Variants in B3GALT1 observed in about 807,000 individuals in gnomAD.
B3GALT1 encodes the protein UDP-Gal:betaGlcNAc beta 1,3-galactosyltransferase, polypeptide 1.
B3GALT1 carries 10 observed loss-of-function variants against 23.2 expected under a neutral mutation model. That is an observed-to-expected ratio of 0.43 (90% CI 0.27 to 0.73). The LOEUF (loss-of-function observed/expected upper bound fraction) is 0.73. Among genes scored for constraint, B3GALT1 ranks in the 30% least tolerant of loss-of-function variants. The pLI is 0.21. For synonymous variants in B3GALT1, 156 were observed against 141.5 expected, an observed-to-expected ratio of 1.10 and a Z score of -0.73; for missense variants, 299 against 405.4, an observed-to-expected ratio of 0.74 and a Z score of 2.25.
chr2:167,673,011 G>T (rs1167445700), intron 3 of B3GALT1, among the ~76,000 whole-genome samples: 5 of 148,270 alleles, frequency 3.4e-5, no homozygotes, highest in African/African-American at 1.3e-4. Flanking sequence ...GTATCTGGGG[G>T]TATCTAATAA....
At chr2:167,839,244 GT>G (rs1418099324) in intron 4 of B3GALT1, among the ~76,000 whole-genome samples, 1 of 152,038 alleles carries the variant, frequency 6.6e-6, no homozygotes, top group Non-Finnish European at 1.5e-5. Flanking sequence ...AATTGTCCCT[GT>G]TTGCAGATGA....
At chr2:167,674,058 G>A (rs1159145495) in intron 3 of B3GALT1, among the ~76,000 whole-genome samples, 2 of 152,040 alleles carry the variant, frequency 1.3e-5, no homozygotes, top group African/African-American at 4.8e-5. Context: ...CACAACCATA[G>A]TAAATTGCAA....
intron 2 of B3GALT1, among the ~76,000 whole-genome samples, chr2:167,493,675 T>A (rs1332878381): frequency 1.3e-5 from 2 of 152,104 alleles, no homozygotes; most frequent in African/African-American, 2.4e-5. Flanking sequence ...GCAGGAGGGT[T>A]GGGTGGGGGA....
chr2:167,523,201 G>T (rs1365793324), intron 2 of B3GALT1, among the ~76,000 whole-genome samples: 1 of 152,140 alleles, frequency 6.6e-6, no homozygotes, highest in Non-Finnish European at 1.5e-5. Flanking sequence ...TTGTGTGTCA[G>T]ATTTTTGGAA....
intron 2 of B3GALT1, among the ~76,000 whole-genome samples, chr2:167,587,192 C>T (rs567922891): frequency 1.1e-4 from 16 of 152,190 alleles, no homozygotes; most frequent in Admixed American, 9.8e-4. Context: ...TATTTTTATG[C>T]GTGTTATTTT....
At chr2:167,810,255 C>T (rs375038889) in intron 3 of B3GALT1, among the ~76,000 whole-genome samples, 16 of 151,052 alleles carry the variant, frequency 1.1e-4, no homozygotes, top group East Asian at 5.8e-4. Flanking sequence ...CGCCCTGCTT[C>T]GGCTCACACT....
chr2:167,547,108 C>T (rs538256000), intron 2 of B3GALT1, among the ~76,000 whole-genome samples: 14 of 152,304 alleles, frequency 9.2e-5, no homozygotes, highest in South Asian at 8.3e-4. Flanking sequence ...AGCACGTCCT[C>T]GGTCTTCTCA....
chr2:167,491,745 G>T lies in B3GALT1; in HGVS notation c.-410+1468G>T, dbSNP rs147671779. ...CAGGAGAATGGCATGTACCCAGGAGGCGGAGCTTGCAGTGAGCCAAGATCA... is the reference window on the plus strand; with the variant it reads ...CAGGAGAATGGCATGTACCCAGGAGTCGGAGCTTGCAGTGAGCCAAGATCA... On this transcript the variant is annotated intron_variant, in intron 2 of 4. Coordinates refer to ENST00000392690, the MANE Select transcript of B3GALT1 (RefSeq NM_020981.4). Among the ~76,000 whole-genome samples the T allele has an allele frequency of 9.5e-3, 1,444 of 151,784 alleles. 7 individuals carry two copies. Among genetic ancestry groups the T allele is most frequent in the Non-Finnish European group, 0.016 (1,096 of 67,924 alleles).
At chr2:167,858,730 A>C (rs1690045057) in intron 4 of B3GALT1, among the ~76,000 whole-genome samples, 1 of 152,182 alleles carries the variant, frequency 6.6e-6, no homozygotes, top group African/African-American at 2.4e-5. Flanking sequence ...GACAGCAGCT[A>C]CATAAAATTA....
intron 3 of B3GALT1, among the ~76,000 whole-genome samples, chr2:167,799,906 A>G (rs1349187598): frequency 6.6e-6 from 1 of 151,698 alleles, no homozygotes; most frequent in African/African-American, 2.4e-5. Context: ...TAGTTTTAAC[A>G]AAATTTCTGT....
At chr2:167,537,046 A>G (rs1240998643) in intron 2 of B3GALT1, among the ~76,000 whole-genome samples, 11 of 152,140 alleles carry the variant, frequency 7.2e-5, no homozygotes, top group Non-Finnish European at 1.5e-4. Flanking sequence ...GTCTGTTCTC[A>G]CACTGCTAAT....
chr2:167,558,971 G>A (rs371209186), intron 2 of B3GALT1, among the ~76,000 whole-genome samples: 7 of 152,302 alleles, frequency 4.6e-5, no homozygotes, highest in East Asian at 1.9e-4. Context: ...CTCCCAGCAC[G>A]CAGCTGGAGA....
At chr2:167,757,735 G>C (rs1375124180) in intron 3 of B3GALT1, among the ~76,000 whole-genome samples, 1 of 152,032 alleles carries the variant, frequency 6.6e-6, no homozygotes, top group Admixed American at 6.6e-5. Flanking sequence ...GATTTGATTT[G>C]ATTTCCTATT....
intron 1 of B3GALT1, among the ~76,000 whole-genome samples, chr2:167,397,590 A>C (rs1327605068): frequency 1.2e-4 from 18 of 152,122 alleles, no homozygotes; most frequent in Admixed American, 1.2e-3. Context: ...ATTAAGGGAG[A>C]GTGATCATTT....
At chr2:167,352,713 T>TC (rs924225124) in intron 1 of B3GALT1, among the ~76,000 whole-genome samples, 1 of 115,388 alleles carries the variant, frequency 8.7e-6, no homozygotes, top group African/African-American at 3.0e-5. Context: ...AGAGCGAGAC[T>TC]CCATCTCAAA....
chr2:167,808,001 A>G (rs1210699627), intron 3 of B3GALT1, among the ~76,000 whole-genome samples: 1 of 152,056 alleles, frequency 6.6e-6, no homozygotes, highest in Non-Finnish European at 1.5e-5. Context: ...TTGGGTGCAT[A>G]TATATTTAGG....
At chr2:167,504,771 G>A (rs888790247) in intron 2 of B3GALT1, among the ~76,000 whole-genome samples, 22 of 152,136 alleles carry the variant, frequency 1.4e-4, no homozygotes, top group Non-Finnish European at 2.5e-4. Flanking sequence ...TGTTACAATT[G>A]CCTATAGTAT....
chr2:167,705,171 C>G (rs938182174), intron 3 of B3GALT1, among the ~76,000 whole-genome samples: 3 of 152,196 alleles, frequency 2.0e-5, no homozygotes, highest in African/African-American at 7.2e-5. Flanking sequence ...CTTCATTGTA[C>G]TCAGCCTAGA....
At chr2:167,613,397 G>A (rs1018081710) in intron 2 of B3GALT1, among the ~76,000 whole-genome samples, 2 of 151,340 alleles carry the variant, frequency 1.3e-5, no homozygotes, top group African/African-American at 4.8e-5. Flanking sequence ...GCTATTCATG[G>A]TATGTATTGT....
Sources: gnomAD v4.1 joint callset for allele counts (sites outside exome capture counted in the v4.1 genomes callset) on GRCh38, gnomAD v4.1.1 for gene constraint, MANE v1.5 for transcripts, NCBI Gene and HGNC (gene_info 2026-07-23, HGNC 2026-07-21) for gene names.